The following GDPD4 variants were observed in gnomAD, a reference collection of about 807,000 sequenced individuals.
GDPD4 encodes glycerophosphodiester phosphodiesterase 6.
A neutral mutation model predicts 67.8 loss-of-function variants in GDPD4; 60 were observed. The observed-to-expected ratio is 0.88, with a 90% CI of 0.72 to 1.10. The LOEUF is 1.10. GDPD4 is among the 50% of genes least tolerant of loss of function. The probability of loss-of-function intolerance (pLI) is 0.00; values close to 1 mark genes in which losing one functional copy is unlikely to be tolerated. For synonymous variants in GDPD4, 212 were observed against 210.9 expected (o/e 1.00, Z -0.04); for missense variants, 623 against 613.9 (o/e 1.01, Z -0.16).
Position 77,279,311 on chromosome 11 carries a change from G to T in GDPD4, c.142C>A (p.Leu48Met). ...AAATGAGAAGCATTACTCACCAACA[G>T]CAATGAAGAGTAGGCAGTCAGGATC... ...ARILTAYSSLLLLLGFLLLWE... is the reference protein window; with the variant it reads ...ARILTAYSSLMLLLGFLLLWE... Residue 48 changes from leucine (L) to methionine (M), a missense_variant, in exon 4 of 17, where the codon CTG becomes ATG. Leu to Met is a conservative substitution (Grantham distance 15). Transcript: ENST00000315938. 1.3e-6 allele frequency: 2 copies of T among 1,595,736 alleles called. No homozygotes were observed. Among genetic ancestry groups the T allele is most frequent in the Non-Finnish European group, 8.6e-7 (1 of 1,163,206 alleles).
At chr11:77,276,016 G>GT in intron 5 of GDPD4, 145 bp downstream of exon 5, 1 of 619,690 alleles carries the variant, frequency 1.6e-6, no homozygotes, top group Non-Finnish European at 2.9e-6. Flanking sequence ...AGTTAATATG[G>GT]TGTAAGTAAA....
At chr11:77,279,657 G>T (rs1005239870) in intron 3 of GDPD4, among the ~76,000 whole-genome samples, 2 of 151,848 alleles carry the variant, frequency 1.3e-5, no homozygotes, top group African/African-American at 4.8e-5. Flanking sequence ...TAAAAATTAC[G>T]TCCTCTTTTA....
intron 10 of GDPD4, among the ~76,000 whole-genome samples, chr11:77,265,757 A>C (rs886390424): frequency 2.6e-5 from 4 of 152,292 alleles, no homozygotes; most frequent in Admixed American, 2.6e-4. Context: ...ACCATAGTCA[A>C]GATACAGAAA....
chr11:77,296,194 T>A (rs1407344024), intron 1 of GDPD4, among the ~76,000 whole-genome samples: 1 of 133,462 alleles, frequency 7.5e-6, no homozygotes, highest in Admixed American at 8.5e-5. Flanking sequence ...GAGCTTGCAG[T>A]GAGCAGAGAT....
At position 77,225,723 on chromosome 11, in the gene GDPD4, A is replaced by G. The variant is rs557547456; in HGVS notation, c.1525+2141T>C. On this transcript the variant is annotated intron_variant, in intron 16 of 16. Coordinates refer to ENST00000315938, the MANE Select transcript of GDPD4 (RefSeq NM_182833.3). ...TGAAAAATACCCCCTCACACTAGAG[A>G]GAGGCCTTCTGGTGGTAGACATGGC... 1.4e-4 allele frequency among the ~76,000 whole-genome samples: 22 copies of G among 152,314 alleles called. 1 individual carries two copies. Among genetic ancestry groups the G allele is most frequent in the African/African-American group, 5.1e-4 (21 of 41,580 alleles).
intron 13 of GDPD4, 48 bp downstream of exon 13, chr11:77,243,646 G>C (rs1219416866): frequency 6.7e-7 from 1 of 1,490,428 alleles, no homozygotes; most frequent in Non-Finnish European, 9.3e-7. Flanking sequence ...TGTGTATTTT[G>C]TGTAAGTAAG....
intron 16 of GDPD4, among the ~76,000 whole-genome samples, chr11:77,218,642 T>C (rs1258533375): frequency 2.0e-5 from 3 of 152,162 alleles, no homozygotes; most frequent in Non-Finnish European, 4.4e-5. Flanking sequence ...ATGCGGTGTT[T>C]GGTTTTCTGT....
chr11:77,227,737 C>A, intron 16 of GDPD4, 127 bp downstream of exon 16: 1 of 581,034 alleles, frequency 1.7e-6, no homozygotes, highest in Non-Finnish European at 3.3e-6. Context: ...CTGGTCCCTC[C>A]CCCAACCCCA....
At chr11:77,223,846 C>G (rs545226132) in intron 16 of GDPD4, among the ~76,000 whole-genome samples, 1 of 152,282 alleles carries the variant, frequency 6.6e-6, no homozygotes, top group South Asian at 2.1e-4. Context: ...CCGGTGGGCT[C>G]CACCTAATTT....
At chr11:77,269,626 T>C (rs1041721755) in intron 8 of GDPD4, among the ~76,000 whole-genome samples, 1 of 152,170 alleles carries the variant, frequency 6.6e-6, no homozygotes, top group Non-Finnish European at 1.5e-5. Flanking sequence ...ATCAACCTTA[T>C]AGGTTGTTAT....
chr11:77,280,640 A>C (rs572798142), intron 3 of GDPD4, among the ~76,000 whole-genome samples: 18 of 152,144 alleles, frequency 1.2e-4, no homozygotes, highest in Non-Finnish European at 2.2e-4. Context: ...TTTCTTTTGG[A>C]TATCAGATCA....
At chr11:77,255,689 T>C (rs1012500753) in intron 11 of GDPD4, among the ~76,000 whole-genome samples, 11 of 151,552 alleles carry the variant, frequency 7.3e-5, no homozygotes, top group African/African-American at 2.7e-4. Context: ...TGAAACCCCA[T>C]CTCTACTAAA....
At chr11:77,229,484 C>T (rs925267255) in intron 14 of GDPD4, among the ~76,000 whole-genome samples, 1 of 152,230 alleles carries the variant, frequency 6.6e-6, no homozygotes, top group Non-Finnish European at 1.5e-5. Flanking sequence ...CACCTTTCAT[C>T]TCCCAAGACA....
At chr11:77,226,040 A>C (rs1958329763) in intron 16 of GDPD4, among the ~76,000 whole-genome samples, 1 of 152,218 alleles carries the variant, frequency 6.6e-6, no homozygotes, top group Non-Finnish European at 1.5e-5. Flanking sequence ...AGAGCTCTTA[A>C]AAACAGAAAA....
chr11:77,265,379 A>G (rs1347152847), intron 10 of GDPD4, among the ~76,000 whole-genome samples: 1 of 152,166 alleles, frequency 6.6e-6, no homozygotes, highest in African/African-American at 2.4e-5. Flanking sequence ...AGGGCCTAGA[A>G]AAGTTTTAAA....
chr11:77,242,562 G>A (rs1958689809), intron 13 of GDPD4, among the ~76,000 whole-genome samples: 1 of 151,938 alleles, frequency 6.6e-6, no homozygotes, highest in African/African-American at 2.4e-5. Context: ...GGCTAGGCCA[G>A]GTCTAGCAAA....
At chr11:77,221,941 G>C (rs1337295089) in intron 16 of GDPD4, among the ~76,000 whole-genome samples, 1 of 152,124 alleles carries the variant, frequency 6.6e-6, no homozygotes, top group Non-Finnish European at 1.5e-5. Flanking sequence ...ATATATTTAG[G>C]ATAGTTAGCT....
chr11:77,285,625 A>G (rs1959963504), intron 2 of GDPD4, among the ~76,000 whole-genome samples: 1 of 152,228 alleles, frequency 6.6e-6, no homozygotes, highest in Admixed American at 6.5e-5. Context: ...GAAAGGGGGA[A>G]TCAGAGTTAA....
At chr11:77,293,734 G>C (rs1597954) in intron 1 of GDPD4, among the ~76,000 whole-genome samples, 3 of 151,984 alleles carry the variant, frequency 2.0e-5, no homozygotes, top group African/African-American at 7.2e-5. Context: ...ATAGAATGGC[G>C]AATATTATGC....
Sources: allele counts gnomAD v4.1 joint callset (sites outside exome capture counted in the v4.1 genomes callset), GRCh38; gene constraint gnomAD v4.1.1; transcripts MANE v1.5; gene names NCBI Gene and HGNC (gene_info 2026-07-23, HGNC 2026-07-21).